The following ANKRD12 variants were observed in gnomAD, a reference collection of about 807,000 sequenced individuals.
The protein encoded by ANKRD12 is ankyrin repeat domain 12, also known as ankyrin repeat domain-containing protein 12.
In ANKRD12, 85 loss-of-function variants were observed where a neutral mutation model predicts 183.4. That is an observed-to-expected ratio of 0.46 (90% CI 0.39 to 0.56). The LOEUF is 0.56. Among genes scored for constraint, ANKRD12 ranks in the 20% least tolerant of loss-of-function variants. ANKRD12 has a pLI of 0.00. For synonymous variants in ANKRD12, 914 were observed against 800.2 expected, an observed-to-expected ratio of 1.14 and a Z score of -2.40; for missense variants, 2,405 against 2,357.1, an observed-to-expected ratio of 1.02 and a Z score of -0.42.
chr18:9,267,691 C>T (rs1460737231), intron 10 of ANKRD12, among the ~76,000 whole-genome samples: 1 of 151,980 alleles, frequency 6.6e-6, no homozygotes, highest in Non-Finnish European at 1.5e-5. Flanking sequence ...AATTGACACC[C>T]TAACATCACA....
intron 6 of ANKRD12, among the ~76,000 whole-genome samples, chr18:9,212,928 G>T (rs149660916): frequency 0.023 from 3,440 of 151,648 alleles, 69 homozygotes; most frequent in South Asian, 0.056. Flanking sequence ...TTTTCTTTTG[G>T]TTTAGTCCTG....
chr18:9,227,891 A>G (rs139239629), intron 8 of ANKRD12, among the ~76,000 whole-genome samples: 1 of 152,296 alleles, frequency 6.6e-6, no homozygotes, highest in African/African-American at 2.4e-5. Flanking sequence ...GCTATCAAAC[A>G]TTAGAACTTA....
chr18:9,173,858 G>A (rs1376017389), intron 1 of ANKRD12, among the ~76,000 whole-genome samples: 12 of 152,186 alleles, frequency 7.9e-5, no homozygotes, highest in East Asian at 1.9e-4. Flanking sequence ...TGAGTCATTC[G>A]TGTACCCTAA....
chr18:9,164,821 G>A (rs2031858865), intron 1 of ANKRD12, among the ~76,000 whole-genome samples: 1 of 152,168 alleles, frequency 6.6e-6, no homozygotes, highest in Non-Finnish European at 1.5e-5. Flanking sequence ...TTGTGATTAT[G>A]TAATCAAATT....
intron 1 of ANKRD12, among the ~76,000 whole-genome samples, chr18:9,149,031 A>G (rs146746404): frequency 2.0e-5 from 3 of 152,110 alleles, no homozygotes; most frequent in Non-Finnish European, 2.9e-5. Flanking sequence ...AGCCCCATCT[A>G]TATCTACCTG....
intron 8 of ANKRD12, among the ~76,000 whole-genome samples, chr18:9,224,000 T>A (rs1448962361): frequency 1.3e-5 from 2 of 152,022 alleles, no homozygotes; most frequent in African/African-American, 4.8e-5. Context: ...TAATAATGAC[T>A]GGAAAGCACG....
intron 1 of ANKRD12, among the ~76,000 whole-genome samples, chr18:9,151,555 A>G (rs891537208): frequency 6.6e-6 from 1 of 152,182 alleles, no homozygotes; most frequent in Non-Finnish European, 1.5e-5. Flanking sequence ...CTTGGACCTC[A>G]CGCTCCCAGA....
Position 9,257,611 on chromosome 18 carries a change from T to C in ANKRD12, c.4344T>C (p.Leu1448=), listed in dbSNP as rs766751775. The C allele has an allele frequency of 1.2e-6, 2 of 1,613,944 alleles. No individual in the cohort carries two copies. Among genetic ancestry groups the C allele is most frequent in the Admixed American group, 1.7e-5 (1 of 59,984 alleles). Residue 1448 remains leucine (L), a synonymous_variant, in exon 9 of 13, where the codon CTT becomes CTC. Transcript: ENST00000262126. ...NSNIPDQESS[L]QSFCNSENKV... is the part of the protein sequence containing the mutation. ...ACATACCTGATCAAGAATCCTCTCT[T>C]CAGAGTTTTTGTAATTCTGAAAATA...
At chr18:9,150,156 A>G (rs1177850145) in intron 1 of ANKRD12, among the ~76,000 whole-genome samples, 2 of 152,186 alleles carry the variant, frequency 1.3e-5, no homozygotes, top group African/African-American at 2.4e-5. Context: ...CCCGAAAGGT[A>G]TAATATTTAG....
chr18:9,238,703 G>A (rs547275891), intron 8 of ANKRD12, among the ~76,000 whole-genome samples: 46 of 152,346 alleles, frequency 3.0e-4, no homozygotes, highest in Non-Finnish European at 5.9e-4. Context: ...GTCAATTTCA[G>A]CTTTCAAAAT....
At chr18:9,159,365 G>T (rs1274990453) in intron 1 of ANKRD12, among the ~76,000 whole-genome samples, 1 of 152,106 alleles carries the variant, frequency 6.6e-6, no homozygotes. Flanking sequence ...TGACTTGTCT[G>T]TCTGTAACCT....
At chr18:9,143,833 A>G (rs369313696) in intron 1 of ANKRD12, among the ~76,000 whole-genome samples, 3 of 152,070 alleles carry the variant, frequency 2.0e-5, no homozygotes, top group African/African-American at 7.2e-5. Flanking sequence ...GTGTGTTTCT[A>G]TTTGTCCTCA....
At chr18:9,198,411 G>A (rs2034967995) in intron 3 of ANKRD12, among the ~76,000 whole-genome samples, 1 of 152,078 alleles carries the variant, frequency 6.6e-6, no homozygotes, top group Admixed American at 6.5e-5. Context: ...ATCACCCAGT[G>A]GTTATGGGTT....
At chr18:9,138,518 ACATACC>A in intron 1 of ANKRD12, among the ~76,000 whole-genome samples, 1 of 152,022 alleles carries the variant, frequency 6.6e-6, no homozygotes, top group East Asian at 1.9e-4. Context: ...CGTCGCAAAA[ACATACC>A]AAAACAAACA....
chr18:9,232,809 C>G (rs961998141), intron 8 of ANKRD12, among the ~76,000 whole-genome samples: 2 of 148,174 alleles, frequency 1.3e-5, no homozygotes, highest in Non-Finnish European at 3.0e-5. Context: ...TTTTTTTTTT[C>G]TTTCTTTATT....
At chr18:9,227,937 G>T (rs150014348) in intron 8 of ANKRD12, among the ~76,000 whole-genome samples, 411 of 152,130 alleles carry the variant, frequency 2.7e-3, no homozygotes, top group African/African-American at 9.6e-3. Context: ...CACATCCATT[G>T]CTTCCCCACT....
chr18:9,136,985 G>C lies in ANKRD12; in HGVS notation c.-52+20G>C, dbSNP rs1344548841. ...CCTCGGGTCCGTACGGGTGAGGGGG[G>C]CGTGGCGACAGGAAAGGAGGAAGGA... On this transcript the variant is annotated intron_variant, in intron 1 of 12. Transcript: ENST00000262126. 1.3e-5 allele frequency: 2 copies of C among 152,626 alleles called. No individual in the cohort carries two copies. The highest frequency in any genetic ancestry group is 2.9e-5 in the Non-Finnish European group (2 of 68,408). 9.5% of individuals were successfully genotyped at this position (152,626 alleles called of 1,614,324 possible). A position where few individuals can be genotyped will look rare whatever the true frequency, so the allele number is the denominator to read the frequency against.
rs767707285 is a variant in ANKRD12, at chr18:9,211,574, T to C, written c.452-10T>C. ...CCTAGAACTTCTGCTAACTTTCTTC[T>C]TTCTTACAGATTCCACACCAAATCA... is the stretch of plus-strand genomic sequence containing the variant. On this transcript the variant is annotated splice_polypyrimidine_tract_variant and intron_variant, in intron 5 of 12. Coordinates refer to ENST00000262126, the MANE Select transcript of ANKRD12 (RefSeq NM_015208.5). 8.1e-6 allele frequency: 13 copies of C among 1,612,178 alleles called. No homozygotes were observed. In the African/African-American group the frequency reaches 1.5e-4, roughly 18 times the overall value.
At chr18:9,263,713 G>A in intron 9 of ANKRD12, 77 bp from the exon 10 acceptor site, 2 of 1,115,762 alleles carry the variant, frequency 1.8e-6, no homozygotes, top group Non-Finnish European at 2.4e-6. Flanking sequence ...TGCACTAAAA[G>A]GGTTTAATTT....
Sources: allele counts gnomAD v4.1 joint callset (sites outside exome capture counted in the v4.1 genomes callset), GRCh38; gene constraint gnomAD v4.1.1; transcripts MANE v1.5; gene names NCBI Gene and HGNC (gene_info 2026-07-23, HGNC 2026-07-21).